STK10: variants seen among roughly 807,000 people sequenced by gnomAD.
The protein encoded by STK10 is serine/threonine-protein kinase 10.
Under a neutral mutation model 113.8 loss-of-function variants are expected in STK10, and 78 were observed. The observed-to-expected ratio is 0.69, with a 90% CI of 0.57 to 0.83. STK10 has a LOEUF of 0.83. STK10 is among the 40% of genes least tolerant of loss of function. The pLI is 0.00. For synonymous variants in STK10, 465 were observed against 494.7 expected, an observed-to-expected ratio of 0.94 and a Z score of 0.80; for missense variants, 1,109 against 1,280.1, an observed-to-expected ratio of 0.87 and a Z score of 2.04.
At chr5:172,074,948 G>A (rs898814056) in intron 12 of STK10, among the ~76,000 whole-genome samples, 1 of 151,552 alleles carries the variant, frequency 6.6e-6, no homozygotes. Context: ...GAACCCACGA[G>A]CTGCAGGGTG....
intron 1 of STK10, among the ~76,000 whole-genome samples, 172 bp from the exon 2 acceptor site, chr5:172,156,960 GTAAGT>G (rs1770361460): frequency 6.6e-6 from 1 of 152,148 alleles, no homozygotes; most frequent in Non-Finnish European, 1.5e-5. Flanking sequence ...GTACTTAAGA[GTAAGT>G]ACCATACACC....
chr5:172,088,503 G>A (rs888170018), intron 10 of STK10, among the ~76,000 whole-genome samples: 4 of 152,214 alleles, frequency 2.6e-5, no homozygotes, highest in South Asian at 2.1e-4. Context: ...CAGCCTGAGC[G>A]ACAGAGCGAG....
chr5:172,103,647 C>G (rs79577655), intron 7 of STK10, among the ~76,000 whole-genome samples: 4 of 152,076 alleles, frequency 2.6e-5, no homozygotes, highest in African/African-American at 9.7e-5. Flanking sequence ...CCTTTGGGCA[C>G]TCCAGAAATT....
intron 14 of STK10, among the ~76,000 whole-genome samples, chr5:172,060,155 C>T (rs1042868200): frequency 6.6e-5 from 10 of 152,286 alleles, no homozygotes; most frequent in South Asian, 6.2e-4. Flanking sequence ...TGCCTCTAAT[C>T]CCAGCACTTT....
At chr5:172,165,543 T>G (rs1270435276) in intron 1 of STK10, among the ~76,000 whole-genome samples, 3 of 152,146 alleles carry the variant, frequency 2.0e-5, no homozygotes, top group African/African-American at 7.2e-5. Context: ...CATTCCCCCT[T>G]GTGGATTCAA....
At chr5:172,157,459 A>G (rs561613652) in intron 1 of STK10, among the ~76,000 whole-genome samples, 21 of 152,254 alleles carry the variant, frequency 1.4e-4, no homozygotes, top group African/African-American at 4.3e-4. Context: ...GGGAGGCTGA[A>G]GCAGGAGAAT....
chr5:172,126,647 T>A (rs1364098786), intron 3 of STK10, among the ~76,000 whole-genome samples: 1 of 152,196 alleles, frequency 6.6e-6, no homozygotes, highest in Non-Finnish European at 1.5e-5. Flanking sequence ...GTTACCACAC[T>A]CTCTGGCATA....
At chr5:172,177,572 C>A (rs1380126319) in intron 1 of STK10, among the ~76,000 whole-genome samples, 1 of 152,200 alleles carries the variant, frequency 6.6e-6, no homozygotes, top group African/African-American at 2.4e-5. Context: ...GTGGCTGGTG[C>A]AGATGGAGAT....
chr5:172,066,000 G>C (rs1225458551), intron 12 of STK10, among the ~76,000 whole-genome samples: 1 of 152,122 alleles, frequency 6.6e-6, no homozygotes, highest in Admixed American at 6.5e-5. Context: ...TCTCTCTAAG[G>C]ACCTTAGAGT....
At position 172,044,556 on chromosome 5, in the gene STK10, T is replaced by A. The variant is rs917320584; in HGVS notation, c.*326A>T. ...GGTATTTTCGCAAACAGGAGAGGAC[T>A]CGAGGCCACAGAACACCCATTCCTC... is the stretch of plus-strand genomic sequence containing the variant. On this transcript the variant is annotated 3_prime_UTR_variant, in exon 19 of 19. Transcript: ENST00000176763. This position sits in a 1 kb window ranked among gnomAD's most constrained non-coding sequence, Gnocchi z 4.5. 3.7e-5 allele frequency: 14 copies of A among 375,984 alleles called. No individual in the cohort carries two copies. The highest frequency in any genetic ancestry group is 7.6e-4 in the Middle Eastern group (1 of 1,324). The allele number at this position is 375,984 out of a possible 1,614,324, so 23.3% of individuals were successfully genotyped here.
At chr5:172,070,775 A>C (rs1171520711) in intron 12 of STK10, among the ~76,000 whole-genome samples, 1 of 152,148 alleles carries the variant, frequency 6.6e-6, no homozygotes, top group African/African-American at 2.4e-5. Flanking sequence ...ACAATACAAA[A>C]TACCAATATG....
intron 12 of STK10, among the ~76,000 whole-genome samples, chr5:172,081,728 G>A (rs1279281632): frequency 6.6e-6 from 1 of 152,180 alleles, no homozygotes; most frequent in South Asian, 2.1e-4. Flanking sequence ...TGGGAGACTG[G>A]GAACAGCCTG....
intron 18 of STK10, among the ~76,000 whole-genome samples, chr5:172,047,899 GTTTTTTTTT>G (rs11438537): frequency 9.1e-6 from 1 of 109,802 alleles, no homozygotes; most frequent in Admixed American, 1.1e-4. Flanking sequence ...TGTTTTTTGG[GTTTTTTTTT>G]TTTTTTTTTT....
At chr5:172,046,831 T>C (rs963465535) in intron 18 of STK10, among the ~76,000 whole-genome samples, 6 of 152,202 alleles carry the variant, frequency 3.9e-5, no homozygotes, top group Non-Finnish European at 2.9e-5. Flanking sequence ...TTTACAAATA[T>C]AGGTGGTGGG....
chr5:172,056,954 G>GGAAGGAAGGAAGGAAGGAAGGAAA (rs1491424918), intron 15 of STK10: 1 of 78,966 alleles, frequency 1.3e-5, no homozygotes, highest in African/African-American at 6.6e-5. Flanking sequence ...AAAGAAAGAA[G>GGAAGGAAGGAAGGAAGGAAGGAAA]GAAAGAAAGA....
chr5:172,165,846 T>G (rs945717102), intron 1 of STK10, among the ~76,000 whole-genome samples: 3 of 151,444 alleles, frequency 2.0e-5, no homozygotes, highest in Non-Finnish European at 4.4e-5. Context: ...CAGGCTGGAG[T>G]GCAATGGTGC....
intron 2 of STK10, among the ~76,000 whole-genome samples, chr5:172,149,909 T>C (rs1770177018): frequency 6.6e-6 from 1 of 151,328 alleles, no homozygotes; most frequent in Admixed American, 6.6e-5. Flanking sequence ...TAGCTGGGTG[T>C]GGTGGCAGAC....
chr5:172,147,342 A>G (rs1429801673), intron 2 of STK10, among the ~76,000 whole-genome samples: 1 of 152,052 alleles, frequency 6.6e-6, no homozygotes, highest in Non-Finnish European at 1.5e-5. Context: ...GATTGGAAAA[A>G]AAAGTGCACG....
At chr5:172,138,188 C>G (rs1769905795) in intron 2 of STK10, among the ~76,000 whole-genome samples, 1 of 152,148 alleles carries the variant, frequency 6.6e-6, no homozygotes, top group Non-Finnish European at 1.5e-5. Context: ...GTGGCACAAT[C>G]TTGGCTCACT....
Sources: gnomAD v4.1 joint callset for allele counts (sites outside exome capture counted in the v4.1 genomes callset) on GRCh38, gnomAD v4.1.1 for gene constraint, Gnocchi (gnomAD v3.1) non-coding constraint, MANE v1.5 for transcripts, NCBI Gene and HGNC (gene_info 2026-07-23, HGNC 2026-07-21) for gene names.